JCAD: variants seen among roughly 807,000 people sequenced by gnomAD.
The protein encoded by JCAD is junctional cadherin 5-associated protein.
Under a neutral mutation model 98.0 loss-of-function variants are expected in JCAD, and 40 were observed. The ratio of observed to expected loss-of-function variants is 0.41; its 90% CI spans 0.32 to 0.53. The LOEUF (loss-of-function observed/expected upper bound fraction) is 0.53. Ranked by LOEUF, JCAD falls within the 20% of genes least tolerant of loss-of-function variation. The probability of loss-of-function intolerance (pLI) is 0.31; values close to 1 mark genes in which losing one functional copy is unlikely to be tolerated. For synonymous variants in JCAD, 691 were observed against 682.3 expected (o/e 1.01, Z -0.20); for missense variants, 1,705 against 1,738.1 (o/e 0.98, Z 0.34).
chr10:30,061,032 T>C (rs1045086687), upstream of JCAD, among the ~76,000 whole-genome samples: 13 of 152,180 alleles, frequency 8.5e-5, no homozygotes, highest in African/African-American at 2.4e-4. Context: ...ATGGTGGCGA[T>C]AGGAGCAGGC....
chr10:30,065,133 T>G (rs1464191998), intron 2 of JCAD, among the ~76,000 whole-genome samples: 1 of 152,214 alleles, frequency 6.6e-6, no homozygotes, highest in Non-Finnish European at 1.5e-5. Flanking sequence ...AAAAAGAAGC[T>G]GATTAATACA....
intron 1 of JCAD, among the ~76,000 whole-genome samples, chr10:30,078,645 G>A (rs1469894881): frequency 2.0e-5 from 3 of 152,142 alleles, no homozygotes; most frequent in Non-Finnish European, 2.9e-5. Context: ...CATCTTGAAC[G>A]AGTCGCTCCT....
chr10:30,091,152 T>A (rs1393253268), intron 1 of JCAD, among the ~76,000 whole-genome samples: 1 of 152,224 alleles, frequency 6.6e-6, no homozygotes, highest in Non-Finnish European at 1.5e-5. Flanking sequence ...TTTGGCATCA[T>A]TAAGAGATCA....
intron 2 of JCAD, among the ~76,000 whole-genome samples, chr10:30,034,202 G>T (rs554706332): frequency 6.6e-6 from 1 of 150,974 alleles, no homozygotes; most frequent in Non-Finnish European, 1.5e-5. Context: ...CAGCCTGGGC[G>T]ACAGAGCAAG....
At chr10:30,048,824 T>A (rs1266018366) in intron 1 of JCAD, among the ~76,000 whole-genome samples, 1 of 152,158 alleles carries the variant, frequency 6.6e-6, no homozygotes, top group Non-Finnish European at 1.5e-5. Flanking sequence ...CGCCTCTGCC[T>A]TCCAAAGTGC....
chr10:30,053,469 G>C (rs1837508892), intron 1 of JCAD, among the ~76,000 whole-genome samples: 1 of 151,550 alleles, frequency 6.6e-6, no homozygotes, highest in African/African-American at 2.4e-5. Context: ...GCTGAGGTGG[G>C]AGGATCCTTT....
At chr10:30,024,532 T>G (rs973445829) in intron 3 of JCAD, among the ~76,000 whole-genome samples, 2 of 152,104 alleles carry the variant, frequency 1.3e-5, no homozygotes, top group East Asian at 1.9e-4. Context: ...TCTCTACCAC[T>G]GCAAAGGCCC....
At chr10:30,051,032 T>C (rs1455338397) in intron 1 of JCAD, among the ~76,000 whole-genome samples, 1 of 152,228 alleles carries the variant, frequency 6.6e-6, no homozygotes, top group Non-Finnish European at 1.5e-5. Flanking sequence ...ACTGGGTCTG[T>C]CTAGCTTCAA....
Position 30,113,796 on chromosome 10 carries a change from T to C in JCAD, n.128+1571A>G, listed in dbSNP as rs545362335. ...TCCAACCTGTTCCTCACCTGCACACTGCTCCTCCTGGCCATTTGAATACTT... is the reference window on the plus strand; with the variant it reads ...TCCAACCTGTTCCTCACCTGCACACCGCTCCTCCTGGCCATTTGAATACTT... On this transcript the variant is annotated intron_variant and non_coding_transcript_variant, in intron 1 of 2. Coordinates refer to the JCAD transcript ENST00000465712. Among the ~76,000 whole-genome samples, 28 of 152,248 alleles carry C rather than the reference T, an allele frequency of 1.8e-4. 1 individual carries two copies. In the South Asian group the frequency reaches 2.7e-3, roughly 15 times the overall value.
chr10:30,050,339 A>AAAAG (rs1564454864), intron 1 of JCAD, among the ~76,000 whole-genome samples: 12 of 145,938 alleles, frequency 8.2e-5, no homozygotes, highest in South Asian at 4.4e-4. Context: ...AAAAAAAAAA[A>AAAAG]AAAGAAAGAA....
chr10:30,032,669 C>T (rs1887318), intron 2 of JCAD, among the ~76,000 whole-genome samples: 51,977 of 152,170 alleles, frequency 0.34, 10,709 homozygotes, highest in Non-Finnish European at 0.45. Flanking sequence ...TGCTTATACT[C>T]TTTCTACTCA....
chr10:30,041,271 A>G (rs1837237735), intron 2 of JCAD, among the ~76,000 whole-genome samples: 1 of 152,114 alleles, frequency 6.6e-6, no homozygotes. Flanking sequence ...GGTGTTCATG[A>G]GCATGCCAGC....
chr10:30,068,592 A>G lies in JCAD; in HGVS notation n.250+1108T>C, dbSNP rs148085894. On this transcript the variant is annotated intron_variant and non_coding_transcript_variant, in intron 2 of 2. Transcript: ENST00000465712. ...GGATTCCGAATACCTGGTAGAAGAC[A>G]CTGTTCATCCCTGCCCTAACTGTGT... Among the ~76,000 whole-genome samples the G allele has an allele frequency of 4.2e-3, 644 of 152,262 alleles. 6 individuals are homozygous for G. The highest frequency in any genetic ancestry group is 0.041 in the South Asian group (199 of 4,810).
chr10:30,104,168 G>T (rs998018006), intron 1 of JCAD, among the ~76,000 whole-genome samples: 5 of 152,220 alleles, frequency 3.3e-5, no homozygotes, highest in Non-Finnish European at 7.3e-5. Context: ...AGGTCGTGGA[G>T]CGTAAGTCCT....
At chr10:30,063,152 GAAA>G (rs34177789), upstream of JCAD, among the ~76,000 whole-genome samples, 1,010 of 145,886 alleles carry the variant, frequency 6.9e-3, 16 homozygotes, top group African/African-American at 0.024. Flanking sequence ...TTAAACACAG[GAAA>G]AAAAAAAAAA....
chr10:30,062,120 C>T (rs922696082), upstream of JCAD, among the ~76,000 whole-genome samples: 2 of 152,138 alleles, frequency 1.3e-5, no homozygotes, highest in African/African-American at 4.8e-5. Context: ...TGATTCAATG[C>T]TAGGAGCTAA....
intron 2 of JCAD, among the ~76,000 whole-genome samples, chr10:30,036,633 T>G (rs2132629176): frequency 6.6e-6 from 1 of 152,208 alleles, no homozygotes; most frequent in East Asian, 1.9e-4. Flanking sequence ...TGGATTAACT[T>G]AAGAAATCAG....
rs143506359 is a variant in JCAD, at chr10:30,054,157, G to C, written c.-60+5325C>G. Among the ~76,000 whole-genome samples the C allele has an allele frequency of 3.8e-3, 582 of 152,276 alleles. 8 individuals carry two copies. Among genetic ancestry groups the C allele is most frequent in the African/African-American group, 0.013 (557 of 41,544 alleles). On this transcript the variant is annotated intron_variant, in intron 1 of 3. Transcript: ENST00000375377. Reference sequence around the variant, plus strand: ...TATACAACAGCACAGGGAAATGCTCGTGATACCACGCTAAATAATAAAGAC... The same window carrying C: ...TATACAACAGCACAGGGAAATGCTCCTGATACCACGCTAAATAATAAAGAC...
intron 1 of JCAD, among the ~76,000 whole-genome samples, chr10:30,089,465 C>A (rs1015104744): frequency 6.6e-6 from 1 of 151,694 alleles, no homozygotes; most frequent in African/African-American, 2.4e-5. Flanking sequence ...TCTGTCAAAT[C>A]CCAGCAGAAC....
Sources: gnomAD v4.1 joint callset for allele counts (sites outside exome capture counted in the v4.1 genomes callset) on GRCh38, gnomAD v4.1.1 for gene constraint, MANE v1.5 for transcripts, NCBI Gene and HGNC (gene_info 2026-07-23, HGNC 2026-07-21) for gene names.